The following AKT3 variants were observed in gnomAD, a reference collection of about 807,000 sequenced individuals.
The protein encoded by AKT3 is RAC-gamma serine/threonine-protein kinase.
Under a neutral mutation model 65.3 loss-of-function variants are expected in AKT3, and 15 were observed. That is an observed-to-expected ratio of 0.23 (90% confidence interval 0.15 to 0.35). AKT3 has a LOEUF of 0.35. Ranked by LOEUF, AKT3 falls within the 10% of genes least tolerant of loss-of-function variation. The pLI is 1.00. For missense variants in AKT3, 243 were observed against 576.5 expected (o/e 0.42, Z 5.92); for synonymous variants, 206 against 183.8 (o/e 1.12, Z -0.98).
At chr1:243,778,698 G>T (rs1462025777) in intron 2 of AKT3, among the ~76,000 whole-genome samples, 1 of 152,120 alleles carries the variant, frequency 6.6e-6, no homozygotes, top group Non-Finnish European at 1.5e-5. Context: ...GATTGTACAT[G>T]TGTATGTCAA....
Position 243,512,382 on chromosome 1 carries a change from A to G in AKT3, c.1296T>C (p.Thr432=). 1.3e-6 allele frequency: 2 copies of G among 1,592,572 alleles called. No homozygotes were observed. The highest frequency in any genetic ancestry group is 1.8e-5 in the Admixed American group (1 of 57,138). Residue 432 remains threonine, a synonymous_variant, in exon 13 of 14, where the codon ACT becomes ACC. Transcript: ENST00000673466. The part of the protein sequence containing the change: ...FKPQVTSETD[T]RYFDEEFTAQ... Reference sequence around the variant, plus strand: ...CTGTAAATTCTTCATCAAAATATCTAGTATCTGTCTCAGATGTTACTTGAG... The same window carrying G: ...CTGTAAATTCTTCATCAAAATATCTGGTATCTGTCTCAGATGTTACTTGAG...
chr1:243,806,659 A>G (rs979496945), intron 2 of AKT3, among the ~76,000 whole-genome samples: 4 of 152,176 alleles, frequency 2.6e-5, no homozygotes, highest in African/African-American at 9.7e-5. Flanking sequence ...TAGGGTCTCA[A>G]TAAATATCAC....
intron 2 of AKT3, among the ~76,000 whole-genome samples, chr1:243,810,541 A>G (rs1236932347): frequency 6.6e-6 from 1 of 152,216 alleles, no homozygotes; most frequent in Non-Finnish European, 1.5e-5. Context: ...TTAATAGCTT[A>G]CCAACCAAAA....
At chr1:243,492,394 C>T (rs550789301) in intron 13 of AKT3, among the ~76,000 whole-genome samples, 60 of 149,646 alleles carry the variant, frequency 4.0e-4, no homozygotes, top group Middle Eastern at 3.4e-3. Context: ...CTCCGCCTCC[C>T]GGCTTCAAGT....
rs1356292042 is a variant in AKT3 at position 243,613,753 on chromosome 1, A to G, written c.628-14T>C. 9 of 1,563,402 alleles carry G rather than the reference A, an allele frequency of 5.8e-6. No homozygotes were observed. Among genetic ancestry groups the G allele is most frequent in the Non-Finnish European group, 6.1e-6 (7 of 1,150,262 alleles). ...ATATTTCAAGGACTTGAAATAAAAA[A>G]AAGAAAAAATGTTACATTATAATCC... On this transcript the variant is annotated splice_polypyrimidine_tract_variant and intron_variant, in intron 7 of 13. Transcript: ENST00000673466.
chr1:243,769,065 T>C (rs1457510209), intron 2 of AKT3, among the ~76,000 whole-genome samples: 2 of 152,196 alleles, frequency 1.3e-5, no homozygotes, highest in Non-Finnish European at 2.9e-5. Flanking sequence ...GATTTTCCTA[T>C]TTTGGATATT....
intron 2 of AKT3, among the ~76,000 whole-genome samples, chr1:243,783,615 T>A (rs4610997): frequency 0.51 from 77,815 of 152,072 alleles, 23,759 homozygotes; most frequent in Non-Finnish European, 0.68. Flanking sequence ...AAAAAATTTT[T>A]AATTCTTAAA....
chr1:243,645,837 A>G, intron 5 of AKT3, 56 bp downstream of exon 5: 1 of 1,470,048 alleles, frequency 6.8e-7, no homozygotes, highest in Non-Finnish European at 9.1e-7. Flanking sequence ...GTAGCTTTTA[A>G]TATGTTTCTT....
Position 243,549,590 on chromosome 1 carries a change from G to A in AKT3, c.1163+3139C>T, listed in dbSNP as rs1672902066. On this transcript the variant is annotated intron_variant, in intron 11 of 13. Transcript: ENST00000673466. The stretch of plus-strand genomic sequence containing the variant: ...ACTACAGCATGTGCCACCATACCCA[G>A]CATTTTATTTTTTTTTAGTAGAGAT... Among the ~76,000 whole-genome samples, 3 of 152,070 alleles carry A rather than the reference G, an allele frequency of 2.0e-5. No homozygotes were observed. In the South Asian group the frequency reaches 6.2e-4, roughly 32 times the overall value.
At chr1:243,796,757 G>C (rs1692039241) in intron 2 of AKT3, among the ~76,000 whole-genome samples, 1 of 152,104 alleles carries the variant, frequency 6.6e-6, no homozygotes, top group Non-Finnish European at 1.5e-5. Flanking sequence ...AAGGTGGACA[G>C]ACAAAATGTG....
At chr1:243,818,085 G>C (rs1026653197) in intron 2 of AKT3, 2 of 152,214 alleles carry the variant, frequency 1.3e-5, no homozygotes, top group Non-Finnish European at 2.9e-5. Context: ...ATTGAGAGCA[G>C]ATTAAAACTG....
chr1:243,722,951 A>C (rs1572230034), intron 2 of AKT3, among the ~76,000 whole-genome samples: 1 of 152,230 alleles, frequency 6.6e-6, no homozygotes, highest in Non-Finnish European at 1.5e-5. Flanking sequence ...GTTCAATGTG[A>C]AATTGTTAAT....
At chr1:243,847,948 A>G (rs1404328110) in intron 1 of AKT3, among the ~76,000 whole-genome samples, 1 of 152,200 alleles carries the variant, frequency 6.6e-6, no homozygotes, top group Non-Finnish European at 1.5e-5. Context: ...AATTCACTCC[A>G]GTAATAATTA....
intron 2 of AKT3, among the ~76,000 whole-genome samples, chr1:243,769,328 C>T (rs1445512941): frequency 6.6e-6 from 1 of 152,130 alleles, no homozygotes; most frequent in Non-Finnish European, 1.5e-5. Context: ...GAAATACACC[C>T]AGGTGTAGAC....
intron 2 of AKT3, among the ~76,000 whole-genome samples, chr1:243,841,383 T>C (rs1248182680): frequency 6.6e-6 from 1 of 152,164 alleles, no homozygotes. Flanking sequence ...AAAGCAGATT[T>C]TAGAGATTAG....
intron 8 of AKT3, among the ~76,000 whole-genome samples, chr1:243,580,499 G>T (rs1675257491): frequency 6.6e-6 from 1 of 152,212 alleles, no homozygotes; most frequent in African/African-American, 2.4e-5. Flanking sequence ...CAGCAGTGTG[G>T]CTGCACAGGC....
intron 10 of AKT3, among the ~76,000 whole-genome samples, chr1:243,556,352 G>C (rs1673406913): frequency 6.6e-6 from 1 of 151,984 alleles, no homozygotes; most frequent in Admixed American, 6.6e-5. Context: ...ACCAATTCAA[G>C]TTACTAATGT....
In AKT3 at chr1:243,738,900, T is replaced by C. The variant is rs150991133; in HGVS notation, c.47-43184A>G. The stretch of plus-strand genomic sequence containing the variant: ...CATGCATTGTTTTTGCTTGTTTACA[T>C]GTCTGAATCTGCCATTCCGCTACCA... On this transcript the variant is annotated intron_variant, in intron 2 of 13. Transcript: ENST00000673466. Among the ~76,000 whole-genome samples, 424 of 152,350 alleles carry C rather than the reference T, an allele frequency of 2.8e-3. 5 individuals carry two copies. Among genetic ancestry groups the C allele is most frequent in the African/African-American group, 9.5e-3 (396 of 41,600 alleles).
At chr1:243,799,082 G>A (rs1051515789) in intron 2 of AKT3, among the ~76,000 whole-genome samples, 1 of 152,168 alleles carries the variant, frequency 6.6e-6, no homozygotes, top group Admixed American at 6.5e-5. Flanking sequence ...CTGAACTAGG[G>A]CAGGCACTAG....
Sources: gnomAD v4.1 joint callset for allele counts (sites outside exome capture counted in the v4.1 genomes callset) on GRCh38, gnomAD v4.1.1 for gene constraint, MANE v1.5 for transcripts, NCBI Gene and HGNC (gene_info 2026-07-23, HGNC 2026-07-21) for gene names.